Variants in FBXO28 observed in about 807,000 individuals in gnomAD.
FBXO28 encodes F-box only protein 28.
Under a neutral mutation model 38.1 loss-of-function variants are expected in FBXO28, and 8 were observed. That is an observed-to-expected ratio of 0.21 (90% CI 0.12 to 0.38). The LOEUF is 0.38. FBXO28 is among the 10% of genes least tolerant of loss of function. The probability of loss-of-function intolerance (pLI) is 1.00; values close to 1 mark genes in which losing one functional copy is unlikely to be tolerated. For missense variants in FBXO28, 345 were observed against 460.6 expected (o/e 0.75, Z 2.30); for synonymous variants, 168 against 173.8 (o/e 0.97, Z 0.26).
rs138050726 is a variant in FBXO28, at chr1:224,153,785, G to A, written c.712+448G>A. On this transcript the variant is annotated intron_variant, in intron 4 of 4. Transcript: ENST00000366862. ...AAAATACAAAAATGTGCTGGGCATGGTGGCGCACACCTGTAATCCTAGCTA... is the reference window on the plus strand; with the variant it reads ...AAAATACAAAAATGTGCTGGGCATGATGGCGCACACCTGTAATCCTAGCTA... 8.0e-4 allele frequency among the ~76,000 whole-genome samples: 122 copies of A among 152,184 alleles called. 1 individual carries two copies. The highest frequency in any genetic ancestry group is 2.7e-3 in the African/African-American group (111 of 41,512).
intron 1 of FBXO28, among the ~76,000 whole-genome samples, chr1:224,128,885 CTGAGACAGGAGGA>C (rs1164269246): frequency 4.7e-5 from 7 of 147,648 alleles, no homozygotes; most frequent in African/African-American, 1.2e-4. Context: ...ACTTGGGAGG[CTGAGACAGGAGGA>C]TTGCTTGTGC....
chr1:224,126,052 G>A (rs940600189), intron 1 of FBXO28, among the ~76,000 whole-genome samples: 2 of 152,182 alleles, frequency 1.3e-5, no homozygotes, highest in African/African-American at 4.8e-5. Context: ...CTAATGGTTT[G>A]TTCATTCCAG....
rs33975517 is a variant in FBXO28, at chr1:224,142,044, A to AT, written c.516+7848dup. Among the ~76,000 whole-genome samples the AT allele has an allele frequency of 4.0e-3, 599 of 149,974 alleles. 11 individuals carry two copies. The highest frequency in any genetic ancestry group is 0.014 in the African/African-American group (569 of 40,562). ...ACCTGGGACTCTACAGGCACATTAA[A>AT]TTTTTTTTTTTTTTTTAATTTTTGG... is the stretch of plus-strand genomic sequence containing the variant. On this transcript the variant is annotated intron_variant, in intron 3 of 4. Coordinates refer to ENST00000366862, the MANE Select transcript of FBXO28 (RefSeq NM_015176.4).
intron 2 of FBXO28, among the ~76,000 whole-genome samples, chr1:224,132,016 A>ACTGAGGTGGGTGGATCAC (rs1053932766): frequency 6.6e-6 from 1 of 152,048 alleles, no homozygotes; most frequent in Non-Finnish European, 1.5e-5. Context: ...ATGTTGGGGG[A>ACTGAGGTGGGTGGATCAC]CTGAGGTGGG....
chr1:224,149,198 G>A lies in FBXO28; in HGVS notation c.517-3944G>A, dbSNP rs188406603. ...AAGTATTCTATATTTTTACAAGTCC[G>A]TCTCAATAGAGATCTTGTTTACAAT... On this transcript the variant is annotated intron_variant, in intron 3 of 4. Coordinates refer to ENST00000366862, the MANE Select transcript of FBXO28 (RefSeq NM_015176.4). Among the ~76,000 whole-genome samples, 595 of 151,770 alleles carry A rather than the reference G, an allele frequency of 3.9e-3. 4 individuals are homozygous for A. Among genetic ancestry groups the A allele is most frequent in the South Asian group, 0.011 (54 of 4,806 alleles).
intron 1 of FBXO28, among the ~76,000 whole-genome samples, chr1:224,125,284 G>A (rs1175559947): frequency 6.6e-6 from 1 of 151,820 alleles, no homozygotes; most frequent in East Asian, 1.9e-4. Flanking sequence ...CTCTGTACCT[G>A]GCTATGCTTA....
At chr1:224,122,659 G>C (rs2102611132) in intron 1 of FBXO28, among the ~76,000 whole-genome samples, 1 of 151,824 alleles carries the variant, frequency 6.6e-6, no homozygotes, top group Non-Finnish European at 1.5e-5. Context: ...ACTTTTTGAA[G>C]ACTAGGCCAG....
Position 224,114,265 on chromosome 1 carries a change from C to G in FBXO28, c.136C>G (p.Gln46Glu). Residue 46 changes from glutamine (Q) to glutamate (E), a missense_variant, in exon 1 of 5, where the codon CAG becomes GAG. Physicochemically the swap from Gln to Glu is conservative, Grantham distance 29. Transcript: ENST00000366862. ...PAPQHPQPGS[Q>E]ALPAPALAPD... is the part of the protein sequence containing the mutation. ...GCCACAGCACCCGCAGCCGGGGTCC[C>G]AGGCGCTCCCAGCCCCCGCGCTGGC... 1.3e-6 allele frequency: 2 copies of G among 1,555,638 alleles called. No individual in the cohort carries two copies. The highest frequency in any genetic ancestry group is 1.7e-6 in the Non-Finnish European group (2 of 1,149,736).
intron 2 of FBXO28, chr1:224,130,996 A>T (rs1657025347): frequency 6.5e-6 from 1 of 153,172 alleles, no homozygotes; most frequent in African/African-American, 2.4e-5. Flanking sequence ...AACGAAATTC[A>T]AAACATTTTA....
At position 224,127,302 on chromosome 1, in the gene FBXO28, G is replaced by A. The variant is rs147981649; in HGVS notation, c.268-3170G>A. Among the ~76,000 whole-genome samples the A allele has an allele frequency of 1.5e-3, 222 of 151,844 alleles. 7 individuals carry two copies. The East Asian group carries it at 0.036, about 25-fold the overall frequency. On this transcript the variant is annotated intron_variant, in intron 1 of 4. Transcript: ENST00000366862. ...ATGACATGATGGCATCACACTGTTA[G>A]CTAATGAAACGTGCACTTGTGTGTT...
At chr1:224,156,448 T>A (rs2102637652) in intron 4 of FBXO28, among the ~76,000 whole-genome samples, 1 of 152,310 alleles carries the variant, frequency 6.6e-6, no homozygotes, top group Middle Eastern at 3.4e-3. Flanking sequence ...TTATCCGAAT[T>A]TCTTAGGACC....
At chr1:224,136,668 C>T (rs1014248748) in intron 3 of FBXO28, among the ~76,000 whole-genome samples, 2 of 151,020 alleles carry the variant, frequency 1.3e-5, no homozygotes, top group Non-Finnish European at 1.5e-5. Context: ...GCAGAGCTTG[C>T]AGTGAGCCAA....
chr1:224,144,130 GGAAACAGA>G, intron 3 of FBXO28, among the ~76,000 whole-genome samples: 1 of 146,010 alleles, frequency 6.8e-6, no homozygotes, highest in South Asian at 2.2e-4. Context: ...CTCCAGCCTG[GGAAACAGA>G]ATGAAACTAT....
At chr1:224,123,062 G>T (rs1420040642) in intron 1 of FBXO28, among the ~76,000 whole-genome samples, 1 of 146,110 alleles carries the variant, frequency 6.8e-6, no homozygotes, top group Non-Finnish European at 1.5e-5. Flanking sequence ...ATTTCTTAAG[G>T]CCTCAGCTTT....
intron 3 of FBXO28, among the ~76,000 whole-genome samples, chr1:224,144,293 G>A (rs1381886077): frequency 4.2e-5 from 6 of 141,196 alleles, no homozygotes; most frequent in Admixed American, 1.4e-4. Flanking sequence ...GGGAGACCTC[G>A]TCTCTACAGA....
At chr1:224,131,252 CT>C (rs949509444) in intron 2 of FBXO28, among the ~76,000 whole-genome samples, 11 of 144,122 alleles carry the variant, frequency 7.6e-5, no homozygotes, top group African/African-American at 7.6e-5. Flanking sequence ...TGTTTCTTGA[CT>C]TTTTTTTTTG....
intron 2 of FBXO28, among the ~76,000 whole-genome samples, chr1:224,133,825 TAA>T (rs34303132): frequency 1.6e-3 from 16 of 9,816 alleles, no homozygotes; most frequent in Admixed American, 0.013. Context: ...AAAACCTAAT[TAA>T]AATATATATA....
intron 1 of FBXO28, among the ~76,000 whole-genome samples, chr1:224,117,870 G>A (rs1465089379): frequency 2.6e-5 from 4 of 152,074 alleles, no homozygotes; most frequent in Non-Finnish European, 4.4e-5. Flanking sequence ...TTAGCCAGGC[G>A]TGGTGGCACA....
At chr1:224,138,272 G>A (rs12410321) in intron 3 of FBXO28, among the ~76,000 whole-genome samples, 24,242 of 151,656 alleles carry the variant, frequency 0.16, 2,294 homozygotes, top group Middle Eastern at 0.24. Flanking sequence ...TATTATCTAG[G>A]ACAGGAATCA....
Sources: gnomAD v4.1 joint callset for allele counts (sites outside exome capture counted in the v4.1 genomes callset) on GRCh38, gnomAD v4.1.1 for gene constraint, MANE v1.5 for transcripts, NCBI Gene and HGNC (gene_info 2026-07-23, HGNC 2026-07-21) for gene names.